SLC41A3: variants seen among roughly 807,000 people sequenced by gnomAD.
SLC41A3 encodes solute carrier family 41 member 3.
Under a neutral mutation model 45.4 loss-of-function variants are expected in SLC41A3, and 44 were observed. The ratio of observed to expected loss-of-function variants is 0.97; its 90% confidence interval spans 0.76 to 1.25. The LOEUF is 1.25. Among genes scored for constraint, SLC41A3 ranks in the 50% most tolerant of loss-of-function variants. The pLI is 0.00. For missense variants in SLC41A3, 550 were observed against 600.6 expected (o/e 0.92, Z 0.88); for synonymous variants, 256 against 252.4 (o/e 1.01, Z -0.13).
At chr3:126,063,959 G>A (rs1203470380) in intron 2 of SLC41A3, among the ~76,000 whole-genome samples, 5 of 58,746 alleles carry the variant, frequency 8.5e-5, no homozygotes, top group African/African-American at 2.3e-4. Flanking sequence ...ACCCCCCCCC[G>A]GGGACACACA....
intron 10 of SLC41A3, among the ~76,000 whole-genome samples, chr3:126,008,461 G>T (rs1388208672): frequency 6.6e-6 from 1 of 151,504 alleles, no homozygotes; most frequent in East Asian, 1.9e-4. Flanking sequence ...TGGAGTGTGT[G>T]GGGTACAGTG....
intron 1 of SLC41A3, chr3:126,095,061 G>C (rs973106932): frequency 3.2e-5 from 15 of 475,336 alleles, no homozygotes; most frequent in South Asian, 4.2e-5. Flanking sequence ...TAGCTGAATA[G>C]CATCTACAGA....
intron 1 of SLC41A3, chr3:126,073,059 A>G (rs1944701857): frequency 6.6e-6 from 1 of 152,204 alleles, no homozygotes; most frequent in East Asian, 1.9e-4. Context: ...AGAGCCAAAC[A>G]TTGGGTACAC....
At chr3:126,089,269 G>A (rs1034851041), upstream of SLC41A3, among the ~76,000 whole-genome samples, 1 of 152,158 alleles carries the variant, frequency 6.6e-6, no homozygotes, top group East Asian at 1.9e-4. Context: ...GATGCAGCTT[G>A]CTGCTAGGAA....
At chr3:126,011,356 A>T (rs1939691188) in intron 9 of SLC41A3, among the ~76,000 whole-genome samples, 1 of 152,242 alleles carries the variant, frequency 6.6e-6, no homozygotes, top group African/African-American at 2.4e-5. Context: ...GGGCAGGGGA[A>T]AAAAGATCAG....
chr3:126,036,655 C>T (rs1161102068), intron 3 of SLC41A3, among the ~76,000 whole-genome samples: 2 of 142,372 alleles, frequency 1.4e-5, no homozygotes, highest in African/African-American at 5.0e-5. Context: ...AAACTCCGCT[C>T]ACTGCCCACC....
chr3:126,021,634 G>T (rs1036985098), intron 6 of SLC41A3, among the ~76,000 whole-genome samples: 1 of 152,114 alleles, frequency 6.6e-6, no homozygotes, highest in African/African-American at 2.4e-5. Context: ...ATTTCAGGGG[G>T]ACAGATTTAT....
chr3:126,058,072 C>T (rs1306237528), intron 2 of SLC41A3: 1 of 152,306 alleles, frequency 6.6e-6, no homozygotes, highest in South Asian at 2.1e-4. Flanking sequence ...ACATAGAGGC[C>T]GTATGCCAGG....
chr3:126,065,207 G>A lies in SLC41A3; in HGVS notation c.273+2740C>T, dbSNP rs538389013. Among the ~76,000 whole-genome samples, 8 of 152,336 alleles carry A rather than the reference G, an allele frequency of 5.3e-5. No homozygotes were observed. The South Asian group carries it at 1.7e-3, about 32-fold the overall frequency. On this transcript the variant is annotated intron_variant, in intron 2 of 10. Coordinates refer to ENST00000360370, the MANE Select transcript of SLC41A3 (RefSeq NM_017836.4). ...GAGAATGCATCCTGGCCAGCACGTG[G>A]ATTTCAGCTGTTGAGACCCTGAGCA...
intron 2 of SLC41A3, among the ~76,000 whole-genome samples, chr3:126,067,114 G>C (rs60592011): frequency 0.018 from 980 of 53,578 alleles, 28 homozygotes; most frequent in African/African-American, 0.037. Flanking sequence ...CCCCGCCCCG[G>C]CCACCGCACC....
At chr3:126,040,140 C>T (rs1378371134) in intron 3 of SLC41A3, among the ~76,000 whole-genome samples, 3 of 152,218 alleles carry the variant, frequency 2.0e-5, no homozygotes, top group Non-Finnish European at 1.5e-5. Flanking sequence ...ACCATTTCAG[C>T]AACAGAATAA....
chr3:126,039,503 T>C (rs1942439361), intron 3 of SLC41A3, among the ~76,000 whole-genome samples: 1 of 152,218 alleles, frequency 6.6e-6, no homozygotes, highest in African/African-American at 2.4e-5. Context: ...CTGTGCACCC[T>C]GTCATGGGTG....
In SLC41A3 at chr3:126,012,753, CGAG is replaced by C. The variant is rs1559806106; in HGVS notation, c.971-7_971-5del. 6.2e-7 allele frequency: 1 copy of C among 1,614,100 alleles called. No homozygotes were observed. The highest frequency in any genetic ancestry group is 1.1e-5 in the South Asian group (1 of 91,072). On this transcript the variant is annotated splice_region_variant and splice_polypyrimidine_tract_variant and intron_variant, in intron 8 of 10. Transcript: ENST00000360370. Reference sequence around the variant, plus strand: ...GCCACCAGATTGCCACCAACACCTACGAGGAGAAAAGGAATCTGTTTTCCCTTT... The same window carrying C: ...GCCACCAGATTGCCACCAACACCTACGAGAAAAGGAATCTGTTTTCCCTTT...
chr3:126,098,194 G>T lies in SLC41A3; in HGVS notation c.-79+3235C>A, dbSNP rs1039436069. Among the ~76,000 whole-genome samples, 8 of 152,272 alleles carry T rather than the reference G, an allele frequency of 5.3e-5. No individual in the cohort carries two copies. The South Asian group carries it at 1.7e-3, about 32-fold the overall frequency. ...CCAATGTGACTCTATGTGGAGATAG[G>T]GCTTATCAGGAGATAGTAAAGATTC... On this transcript the variant is annotated intron_variant, in intron 1 of 9. Coordinates refer to the SLC41A3 transcript ENST00000508835.
At chr3:126,091,407 G>C (rs903927942) in intron 1 of SLC41A3, among the ~76,000 whole-genome samples, 2 of 151,998 alleles carry the variant, frequency 1.3e-5, no homozygotes, top group Non-Finnish European at 2.9e-5. Context: ...AGAAAGGAGA[G>C]ACAACTGGAA....
At chr3:126,064,590 G>A (rs1944255692) in intron 2 of SLC41A3, among the ~76,000 whole-genome samples, 1 of 152,130 alleles carries the variant, frequency 6.6e-6, no homozygotes, top group Non-Finnish European at 1.5e-5. Context: ...GCAGAGTAAA[G>A]AGGAGGCAAT....
intron 1 of SLC41A3, among the ~76,000 whole-genome samples, chr3:126,098,690 CTG>C (rs1945649811): frequency 2.6e-5 from 4 of 152,252 alleles, no homozygotes; most frequent in Admixed American, 2.6e-4. Flanking sequence ...TCCCTCATGA[CTG>C]TTCCAATTTG....
intron 4 of SLC41A3, among the ~76,000 whole-genome samples, chr3:126,027,982 A>G (rs13318271): frequency 6.6e-6 from 1 of 152,178 alleles, no homozygotes. Context: ...TTTCTAATAA[A>G]CTATGCTCAT....
At chr3:126,012,880 T>C (rs1008731135) in intron 8 of SLC41A3, 131 bp from the exon 9 acceptor site, 29 of 1,366,762 alleles carry the variant, frequency 2.1e-5, no homozygotes, top group Non-Finnish European at 2.7e-5. Context: ...TTTCCTTTCC[T>C]CCCACTTGAC....
Sources: gnomAD v4.1 joint callset for allele counts (sites outside exome capture counted in the v4.1 genomes callset) on GRCh38, gnomAD v4.1.1 for gene constraint, MANE v1.5 for transcripts, NCBI Gene and HGNC (gene_info 2026-07-23, HGNC 2026-07-21) for gene names.